TSPAN9: variants seen among roughly 807,000 people sequenced by gnomAD.
The protein encoded by TSPAN9 is tetraspanin-9.
Under a neutral mutation model 31.0 loss-of-function variants are expected in TSPAN9, and 16 were observed. The ratio of observed to expected loss-of-function variants is 0.52; its 90% CI spans 0.35 to 0.78. The LOEUF is 0.78. Among genes scored for constraint, TSPAN9 ranks in the 30% least tolerant of loss-of-function variants. The probability of loss-of-function intolerance (pLI) is 0.01; values close to 1 mark genes in which losing one functional copy is unlikely to be tolerated. For synonymous variants in TSPAN9, 145 were observed against 121.6 expected (o/e 1.19, Z -1.27); for missense variants, 272 against 312.5 (o/e 0.87, Z 0.98).
chr12:3,144,202 G>T (rs1486697237), intron 2 of TSPAN9, among the ~76,000 whole-genome samples: 2 of 152,122 alleles, frequency 1.3e-5, no homozygotes, highest in Non-Finnish European at 2.9e-5. Context: ...CTAGGTTCAG[G>T]TGATTCTTCT....
At chr12:3,267,344 G>T (rs751500643) in intron 3 of TSPAN9, among the ~76,000 whole-genome samples, 1 of 152,202 alleles carries the variant, frequency 6.6e-6, no homozygotes, top group South Asian at 2.1e-4. Flanking sequence ...CATCCCCACG[G>T]TGTCCCTGAG....
chr12:3,245,994 T>G (rs76961464), intron 3 of TSPAN9, among the ~76,000 whole-genome samples: 9,288 of 152,008 alleles, frequency 0.061, 883 homozygotes, highest in African/African-American at 0.2. Flanking sequence ...TTGCTATAAA[T>G]AAATAACCTG....
intron 3 of TSPAN9, among the ~76,000 whole-genome samples, chr12:3,260,951 T>C (rs1271560154): frequency 6.6e-6 from 1 of 152,164 alleles, no homozygotes; most frequent in Non-Finnish European, 1.5e-5. Context: ...AGGAACGCCA[T>C]GATCAGCCAT....
chr12:3,266,038 C>T (rs1002375919), intron 3 of TSPAN9, among the ~76,000 whole-genome samples: 4 of 152,142 alleles, frequency 2.6e-5, no homozygotes, highest in Non-Finnish European at 5.9e-5. Context: ...TCCATCCCCA[C>T]TAGTGTCTTC....
chr12:3,239,416 C>T (rs527544448), intron 3 of TSPAN9, among the ~76,000 whole-genome samples: 17 of 152,276 alleles, frequency 1.1e-4, no homozygotes, highest in African/African-American at 3.9e-4. Flanking sequence ...ACCTTCTTTC[C>T]CCTCTTGGTC....
intron 2 of TSPAN9, among the ~76,000 whole-genome samples, chr12:3,121,434 A>G (rs570264): frequency 0.64 from 93,126 of 144,420 alleles, 29,921 homozygotes; most frequent in East Asian, 0.75. Context: ...ATCACAGCTC[A>G]TTACAGCCTC....
chr12:3,127,476 C>T (rs1591639319), intron 2 of TSPAN9, among the ~76,000 whole-genome samples: 1 of 152,150 alleles, frequency 6.6e-6, no homozygotes, highest in South Asian at 2.1e-4. Context: ...CTGCCTCAGC[C>T]TCCCGAGCAG....
intron 3 of TSPAN9, among the ~76,000 whole-genome samples, chr12:3,261,809 T>G (rs2153979087): frequency 6.6e-6 from 1 of 152,314 alleles, no homozygotes; most frequent in East Asian, 1.9e-4. Flanking sequence ...GTCCTGCATG[T>G]CCAGTGTCCA....
intron 3 of TSPAN9, among the ~76,000 whole-genome samples, chr12:3,235,628 G>T (rs780275594): frequency 1.3e-5 from 2 of 152,156 alleles, no homozygotes; most frequent in Admixed American, 6.5e-5. Context: ...CACTGAGTAG[G>T]TTTGAATTTG....
intron 2 of TSPAN9, among the ~76,000 whole-genome samples, chr12:3,191,411 TC>T (rs368185222): frequency 1.3e-5 from 2 of 151,866 alleles, no homozygotes; most frequent in Non-Finnish European, 2.9e-5. Flanking sequence ...CTCTTCCCCT[TC>T]CCCCCTGCCT....
intron 2 of TSPAN9, among the ~76,000 whole-genome samples, chr12:3,164,083 C>T (rs887898278): frequency 6.6e-6 from 1 of 152,170 alleles, no homozygotes; most frequent in Non-Finnish European, 1.5e-5. Context: ...ACCAGTGGTA[C>T]TGAGGCTGGA....
At chr12:3,247,374 T>C (rs1251018200) in intron 3 of TSPAN9, among the ~76,000 whole-genome samples, 1 of 135,394 alleles carries the variant, frequency 7.4e-6, no homozygotes, top group Non-Finnish European at 1.5e-5. Flanking sequence ...GTAAGCCAGC[T>C]TGGGGCAGGA....
intron 2 of TSPAN9, among the ~76,000 whole-genome samples, chr12:3,194,715 T>TA (rs1047253539): frequency 1.3e-5 from 2 of 152,070 alleles, no homozygotes; most frequent in Non-Finnish European, 1.5e-5. Context: ...CTCAGAAACT[T>TA]AAAAAAACAA....
At position 3,226,736 on chromosome 12, in the gene TSPAN9, GTGTGTGTGTA is replaced by G. The variant is rs2098387591; in HGVS notation, c.63+25482_63+25491del. On this transcript the variant is annotated intron_variant, in intron 3 of 8. Coordinates refer to ENST00000011898, the MANE Select transcript of TSPAN9 (RefSeq NM_006675.5). ...TGTATGTATGTGTGTGTGTGTGTGT[GTGTGTGTGTA>G]TATATATATATATATATATATATAT... Among the ~76,000 whole-genome samples, 14 of 11,086 alleles carry G rather than the reference GTGTGTGTGTA, an allele frequency of 1.3e-3. 2 individuals carry two copies. Among genetic ancestry groups the G allele is most frequent in the African/African-American group, 1.9e-3 (7 of 3,668 alleles). 7.3% of individuals were successfully genotyped at this position (11,086 alleles called of 152,430 possible). A position where few individuals can be genotyped will look rare whatever the true frequency, so the allele number is the denominator to read the frequency against.
chr12:3,281,691 A>G (rs2153981077), intron 7 of TSPAN9, 43 bp from the exon 8 acceptor site: 1 of 1,593,894 alleles, frequency 6.3e-7, no homozygotes, highest in East Asian at 2.3e-5. Context: ...CAGGGAGCGC[A>G]TGCTTGGGCT....
intron 2 of TSPAN9, among the ~76,000 whole-genome samples, chr12:3,093,809 C>G (rs2098306297): frequency 6.6e-6 from 1 of 152,148 alleles, no homozygotes; most frequent in African/African-American, 2.4e-5. Context: ...TTTGGAGGCT[C>G]TTTGGTTTTC....
At chr12:3,258,818 C>T (rs553846478) in intron 3 of TSPAN9, among the ~76,000 whole-genome samples, 2 of 152,312 alleles carry the variant, frequency 1.3e-5, no homozygotes, top group East Asian at 1.9e-4. Flanking sequence ...TCTCAATGCA[C>T]AATGCGAATG....
chr12:3,159,046 G>T (rs1023128272), intron 2 of TSPAN9, among the ~76,000 whole-genome samples: 1 of 151,768 alleles, frequency 6.6e-6, no homozygotes, highest in Non-Finnish European at 1.5e-5. Context: ...GATTGTCTGC[G>T]CTCCCCACCC....
intron 3 of TSPAN9, among the ~76,000 whole-genome samples, chr12:3,275,462 T>G (rs1162951819): frequency 1.3e-5 from 2 of 152,122 alleles, no homozygotes; most frequent in African/African-American, 4.8e-5. Flanking sequence ...CCATAAATCT[T>G]CAGCATGAAG....
Sources: allele counts gnomAD v4.1 joint callset (sites outside exome capture counted in the v4.1 genomes callset), GRCh38; gene constraint gnomAD v4.1.1; transcripts MANE v1.5; gene names NCBI Gene and HGNC (gene_info 2026-07-23, HGNC 2026-07-21).